CTNNA2: variants seen among roughly 807,000 people sequenced by gnomAD.
The protein encoded by CTNNA2 is catenin alpha-2.
Under a neutral mutation model 101.0 loss-of-function variants are expected in CTNNA2, and 42 were observed. The observed-to-expected ratio is 0.42, with a 90% CI of 0.32 to 0.54. The LOEUF (loss-of-function observed/expected upper bound fraction) is 0.54, where lower values mean the gene tolerates loss of function less well. Ranked by LOEUF, CTNNA2 falls within the 20% of genes least tolerant of loss-of-function variation. The pLI is 0.14. For missense variants in CTNNA2, 871 were observed against 1,223.1 expected (o/e 0.71, Z 4.29); for synonymous variants, 450 against 456.4 (o/e 0.99, Z 0.18).
At chr2:80,168,703 T>G (rs562935711) in intron 7 of CTNNA2, among the ~76,000 whole-genome samples, 6 of 152,222 alleles carry the variant, frequency 3.9e-5, no homozygotes, top group African/African-American at 1.4e-4. Flanking sequence ...ACAAACTTTT[T>G]GATACCCAAG....
chr2:80,094,682 T>G (rs1700030147), intron 7 of CTNNA2, among the ~76,000 whole-genome samples: 1 of 152,222 alleles, frequency 6.6e-6, no homozygotes, highest in Non-Finnish European at 1.5e-5. Flanking sequence ...TTTATTTCAT[T>G]GAGCAGTGGT....
At chr2:79,848,377 T>C (rs752491611) in intron 3 of CTNNA2, among the ~76,000 whole-genome samples, 1 of 152,224 alleles carries the variant, frequency 6.6e-6, no homozygotes, top group Non-Finnish European at 1.5e-5. Flanking sequence ...TCCTAATTTA[T>C]GGTCTTCTCT....
intron 3 of CTNNA2, among the ~76,000 whole-genome samples, chr2:79,318,915 C>A (rs10191895): frequency 0.14 from 21,330 of 152,196 alleles, 1,603 homozygotes; most frequent in East Asian, 0.17. Context: ...AAAATGCTAA[C>A]CTCTTCGTTT....
Position 80,619,100 on chromosome 2 carries a change from A to G in CTNNA2, c.2446A>G (p.Thr816Ala). 2 of 1,522,456 alleles carry G rather than the reference A, an allele frequency of 1.3e-6. No homozygotes were observed. Among genetic ancestry groups the G allele is most frequent in the Non-Finnish European group, 1.8e-6 (2 of 1,132,502 alleles). The allele number at this position is 1,522,456 out of a possible 1,614,324, so 94.3% of individuals were successfully genotyped here. A position where few individuals can be genotyped will look rare whatever the true frequency, so the allele number is the denominator to read the frequency against. The change falls in exon 18 of 19, where the codon ACT becomes GCT. Residue 816 changes from threonine to alanine, a missense_variant. Physicochemically the swap from Thr to Ala is moderately conservative, Grantham distance 58. Transcript: ENST00000402739. ...LIVSGTGVQSTFTTFYEVDCD... is the reference protein window; with the variant it reads ...LIVSGTGVQSAFTTFYEVDCD... ...CGGAAATCAGACAGGAGTTCAGAGC[A>G]CTTTCACTACCTTTTATGAGGTAGA...
At chr2:80,326,160 T>G (rs1295206189) in intron 7 of CTNNA2, among the ~76,000 whole-genome samples, 3 of 152,198 alleles carry the variant, frequency 2.0e-5, no homozygotes, top group African/African-American at 7.2e-5. Flanking sequence ...TAAAGCAGTA[T>G]TTGTAAGCCC....
intron 2 of CTNNA2, among the ~76,000 whole-genome samples, chr2:79,261,037 AAAGTGAGC>A (rs1674914715): frequency 6.6e-6 from 1 of 152,228 alleles, no homozygotes; most frequent in South Asian, 2.1e-4. Flanking sequence ...AGGACTGAGA[AAAGTGAGC>A]AGTCAGCTAA....
At chr2:79,978,493 C>A (rs1159200131) in intron 7 of CTNNA2, among the ~76,000 whole-genome samples, 1 of 152,156 alleles carries the variant, frequency 6.6e-6, no homozygotes, top group Non-Finnish European at 1.5e-5. Flanking sequence ...ACTACTCCCC[C>A]TTCCCCACCA....
chr2:79,337,772 G>A (rs938778229), intron 3 of CTNNA2, among the ~76,000 whole-genome samples: 19 of 152,036 alleles, frequency 1.2e-4, no homozygotes, highest in African/African-American at 2.7e-4. Context: ...ATTTACCTAC[G>A]TAGAGCTTAG....
intron 7 of CTNNA2, among the ~76,000 whole-genome samples, chr2:80,022,533 A>T (rs1694636854): frequency 6.6e-6 from 1 of 152,146 alleles, no homozygotes; most frequent in African/African-American, 2.4e-5. Context: ...TGGGAGGCTG[A>T]GGCAGGAGGA....
chr2:80,164,193 TTTTGTTTTCTG>T (rs200455216), intron 7 of CTNNA2, among the ~76,000 whole-genome samples: 2,617 of 151,978 alleles, frequency 0.017, 76 homozygotes, highest in African/African-American at 0.059. Context: ...CCATTTTATT[TTTTGTTTTCTG>T]TTTGTTTTCT....
At chr2:79,427,181 C>T (rs1678600673) in intron 4 of CTNNA2, among the ~76,000 whole-genome samples, 1 of 151,814 alleles carries the variant, frequency 6.6e-6, no homozygotes, top group Non-Finnish European at 1.5e-5. Context: ...ATGAAAAGGG[C>T]AGTAAAAGAA....
intron 2 of CTNNA2, among the ~76,000 whole-genome samples, chr2:79,290,054 T>G (rs2104374126): frequency 6.6e-6 from 1 of 152,260 alleles, no homozygotes; most frequent in African/African-American, 2.4e-5. Flanking sequence ...GGCTACATAC[T>G]CAGGTGCCCA....
At chr2:79,822,917 C>G (rs1678127696) in intron 3 of CTNNA2, among the ~76,000 whole-genome samples, 1 of 152,168 alleles carries the variant, frequency 6.6e-6, no homozygotes, top group African/African-American at 2.4e-5. Flanking sequence ...ACCACCATCC[C>G]CATTCAGATC....
At chr2:79,680,957 G>A (rs1351259346) in intron 2 of CTNNA2, among the ~76,000 whole-genome samples, 1 of 152,130 alleles carries the variant, frequency 6.6e-6, no homozygotes, top group African/African-American at 2.4e-5. Flanking sequence ...GAGACTGAAG[G>A]AACCATAGAA....
chr2:80,298,668 T>G (rs1280309233), intron 7 of CTNNA2: 1 of 152,266 alleles, frequency 6.6e-6, no homozygotes. Flanking sequence ...TCATACCAAA[T>G]GTCTGCCTTC....
intron 7 of CTNNA2, among the ~76,000 whole-genome samples, chr2:79,913,894 A>G (rs990996954): frequency 1.3e-5 from 2 of 152,030 alleles, no homozygotes; most frequent in Non-Finnish European, 2.9e-5. Flanking sequence ...TGGGCCGGGC[A>G]CGGTGGCTCA....
chr2:80,598,151 T>C lies in CTNNA2; in HGVS notation c.2190-5923T>C, dbSNP rs546929873. Among the ~76,000 whole-genome samples the C allele has an allele frequency of 3.9e-5, 6 of 152,224 alleles. No homozygotes were observed. In the East Asian group the frequency reaches 1.2e-3, roughly 29 times the overall value. On this transcript the variant is annotated intron_variant, in intron 15 of 18. Coordinates refer to ENST00000402739, the MANE Select transcript of CTNNA2 (RefSeq NM_001282597.3). ...ATAAAGAAGAATGAGATCATATTAA[T>C]TGCAGGGACATGGATGAAGCTGGAA...
intron 3 of CTNNA2, among the ~76,000 whole-genome samples, chr2:79,777,674 A>G (rs1390900180): frequency 6.6e-6 from 1 of 152,146 alleles, no homozygotes; most frequent in Non-Finnish European, 1.5e-5. Flanking sequence ...TACCAAAACA[A>G]AAGGATGGGA....
At chr2:79,595,253 G>T (rs1677115813) in intron 1 of CTNNA2, among the ~76,000 whole-genome samples, 1 of 151,982 alleles carries the variant, frequency 6.6e-6, no homozygotes, top group Admixed American at 6.6e-5. Flanking sequence ...CTTTCCTCCA[G>T]GTCCCATTTT....
Sources: allele counts gnomAD v4.1 joint callset (sites outside exome capture counted in the v4.1 genomes callset), GRCh38; gene constraint gnomAD v4.1.1; transcripts MANE v1.5; gene names NCBI Gene and HGNC (gene_info 2026-07-23, HGNC 2026-07-21).